Variants in DOK4 observed in about 807,000 individuals in gnomAD.
The protein encoded by DOK4 is docking protein 4, also known as downstream of tyrosine kinase 4.
Under a neutral mutation model 40.1 loss-of-function variants are expected in DOK4, and 26 were observed. The ratio of observed to expected loss-of-function variants is 0.65; its 90% CI spans 0.48 to 0.90. The LOEUF (loss-of-function observed/expected upper bound fraction) is 0.90. Among genes scored for constraint, DOK4 ranks in the 40% least tolerant of loss-of-function variants. The pLI is 0.00. For synonymous variants in DOK4, 179 were observed against 177.0 expected, an observed-to-expected ratio of 1.01 and a Z score of -0.09; for missense variants, 392 against 437.2, an observed-to-expected ratio of 0.90 and a Z score of 0.92.
rs1381656034 is a variant in DOK4 at position 57,479,651 on chromosome 16, C to A, written c.-144G>T. On this transcript the variant is annotated 5_prime_UTR_variant, in exon 2 of 9. In the 5' UTR this introduces an upstream ATG that the reference lacks. Coordinates refer to ENST00000340099, the Ensembl canonical transcript of DOK4. The surrounding 1 kb of genome is among the most constrained non-coding windows in gnomAD (Gnocchi z 5.8). ...AGGGGCTGCTCCTCACCTCACCCGC[C>A]TCAGCATTGTTCTAGCAGCTCCTTC... 3.8e-6 allele frequency: 3 copies of A among 780,896 alleles called. No homozygotes were observed. Among genetic ancestry groups the A allele is most frequent in the Non-Finnish European group, 6.4e-6 (3 of 467,622 alleles). 48.4% of individuals were successfully genotyped at this position (780,896 alleles called of 1,614,324 possible).
intron 4 of DOK4, 116 bp downstream of exon 4, chr16:57,475,390 C>A (rs2031101207): frequency 1.5e-6 from 2 of 1,373,808 alleles, no homozygotes; most frequent in Non-Finnish European, 2.0e-6. Flanking sequence ...CCCAACCCCA[C>A]ACACACCACA....
intron 2 of DOK4, 168 bp from the exon 3 acceptor site, chr16:57,476,125 G>T: frequency 1.6e-6 from 1 of 606,110 alleles, no homozygotes. Context: ...TCACCTCCCT[G>T]GGAGAGAAGC....
At chr16:57,475,112 A>G (rs1354816889) in exon 5 of DOK4, 4 of 1,609,926 alleles carry the variant, frequency 2.5e-6, no homozygotes, top group African/African-American at 1.4e-5. Context: ...GTCTGTTCAC[A>G]CTGCACCCCT....
At chr16:57,472,097 C>T (rs573475583) in exon 9 of DOK4, 1 of 152,820 alleles carries the variant, frequency 6.5e-6, no homozygotes, top group East Asian at 1.9e-4. Context: ...CCTCTACAGG[C>T]TAGCTCATCC....
rs751932835 is a variant in DOK4 at position 57,473,402 on chromosome 16, C to T, written c.956G>A (p.Ser319Asn). 2 of 1,614,054 alleles carry T rather than the reference C, an allele frequency of 1.2e-6. No individual in the cohort carries two copies. Among genetic ancestry groups the T allele is most frequent in the Non-Finnish European group, 1.7e-6 (2 of 1,180,012 alleles). Reference sequence around the variant, plus strand: ...TCACTGGGATGGGGTCTTGGCCTCACTGCTGTCCCCCTGGCTGGGCTTTGG... The same window carrying T: ...TCACTGGGATGGGGTCTTGGCCTCATTGCTGTCCCCCTGGCTGGGCTTTGG... Residue 319 changes from serine to asparagine, a missense_variant, in exon 9 of 9, where the codon AGT becomes AAT. Ser to Asn is a conservative substitution (Grantham distance 46, BLOSUM62 1). Transcript: ENST00000340099.
Position 57,479,301 on chromosome 16 carries a change from G to T in DOK4, c.66+141C>A. ...CACATGCCAGGCAGCACGCTGGCGA[G>T]GAGCCCCGAGACCACAGATGCACGA... On this transcript the variant is annotated intron_variant, in intron 2 of 8. Coordinates refer to ENST00000340099, the Ensembl canonical transcript of DOK4. The surrounding 1 kb of genome is among the most constrained non-coding windows in gnomAD (Gnocchi z 5.8). 2.2e-6 allele frequency: 2 copies of T among 897,468 alleles called. No homozygotes were observed. The highest frequency in any genetic ancestry group is 1.6e-5 in the South Asian group (1 of 60,646). 55.6% of individuals were successfully genotyped at this position (897,468 alleles called of 1,614,324 possible). A position where few individuals can be genotyped will look rare whatever the true frequency, so the allele number is the denominator to read the frequency against.
chr16:57,473,446 G>C, exon 9 of DOK4: 1 of 1,614,222 alleles, frequency 6.2e-7, no homozygotes, highest in Non-Finnish European at 8.5e-7. Context: ...GGATGAATCT[G>C]TTGAGGAGGT....
chr16:57,475,496 C>T lies in DOK4; in HGVS notation c.289+10G>A, dbSNP rs375653073. On this transcript the variant is annotated intron_variant, in intron 4 of 8. Coordinates refer to ENST00000340099, the Ensembl canonical transcript of DOK4. ...GGGGAGGCAGATGGAGGCCCATACT[C>T]GCGCCTCACCTGAGTCGCAGGTGAA... is the stretch of plus-strand genomic sequence containing the variant. 19 of 1,592,348 alleles carry T rather than the reference C, an allele frequency of 1.2e-5. 1 individual carries two copies. In the African/African-American group the frequency reaches 1.6e-4, roughly 13 times the overall value.
exon 9 of DOK4, chr16:57,473,296 CCT>C (rs1331843196): frequency 3.4e-5 from 52 of 1,519,078 alleles, no homozygotes; most frequent in Middle Eastern, 2.4e-4. Flanking sequence ...CCGACAGCCC[CCT>C]GAGGCTGTCC....
intron 4 of DOK4, 142 bp downstream of exon 4, chr16:57,475,364 G>C: frequency 6.9e-7 from 1 of 1,446,168 alleles, no homozygotes; most frequent in South Asian, 1.3e-5. Context: ...CTGAGGGCCT[G>C]CTCCCTGAAA....
At position 57,479,500 on chromosome 16, in the gene DOK4, G is replaced by A; in HGVS notation, c.8C>T (p.Thr3Ile). The A allele has an allele frequency of 6.2e-7, 1 of 1,613,622 alleles. No homozygotes were observed. Among genetic ancestry groups the A allele is most frequent in the Non-Finnish European group, 8.5e-7 (1 of 1,179,886 alleles). Residue 3 changes from threonine to isoleucine, a missense_variant, in exon 2 of 9, where the codon ACC becomes ATC. Transcript: ENST00000340099. This position sits in a 1 kb window ranked among gnomAD's most constrained non-coding sequence, Gnocchi z 5.8. Reference sequence around the variant, plus strand: ...TTGCTTGACGATGTCACTGAAATTGGTCGCCATGGTTTTCCCACCTTTTAG... The same window carrying A: ...TTGCTTGACGATGTCACTGAAATTGATCGCCATGGTTTTCCCACCTTTTAG...
intron 1 of DOK4, among the ~76,000 whole-genome samples, chr16:57,483,599 C>T (rs545863856): frequency 5.5e-4 from 84 of 152,270 alleles, no homozygotes; most frequent in African/African-American, 1.9e-3. Flanking sequence ...CACTGCACTC[C>T]AGCCTGGGTG....
intron 2 of DOK4, chr16:57,476,194 A>C: frequency 1.8e-6 from 1 of 542,846 alleles, no homozygotes; most frequent in Non-Finnish European, 3.3e-6. Context: ...GCTGTTCCAC[A>C]AAGGGTGCTC....
At chr16:57,482,160 G>T (rs1005708438) in intron 1 of DOK4, among the ~76,000 whole-genome samples, 4 of 151,110 alleles carry the variant, frequency 2.6e-5, no homozygotes, top group African/African-American at 9.7e-5. Context: ...CACTGCGCCC[G>T]GCCTTCTTTT....
rs1012280843 is a variant in DOK4 at position 57,479,614 on chromosome 16, G to A, written c.-107C>T. On this transcript the variant is annotated 5_prime_UTR_variant, in exon 2 of 9. Coordinates refer to ENST00000340099, the Ensembl canonical transcript of DOK4. This position sits in a 1 kb window ranked among gnomAD's most constrained non-coding sequence, Gnocchi z 5.8. ...AATCACCTGTTCCAGACACTCTGTC[G>A]GGGCTGCCGCGAGGGGCTGCTCCTC... 22 of 1,272,222 alleles carry A rather than the reference G, an allele frequency of 1.7e-5. No individual in the cohort carries two copies. The highest frequency in any genetic ancestry group is 1.6e-4 in the African/African-American group (11 of 68,480). 78.8% of individuals were successfully genotyped at this position (1,272,222 alleles called of 1,614,324 possible).
Position 57,475,099 on chromosome 16 carries a change from C to T in DOK4, c.409+1G>A, listed in dbSNP as rs1432335202. On this transcript the variant is annotated splice_donor_variant, in intron 5 of 8. Coordinates refer to ENST00000340099, the Ensembl canonical transcript of DOK4. LOFTEE classifies it high-confidence loss of function. ...CCCCCAGGGCCAGGGCCCGGCCTCA[C>T]CTGTCTGTTCACACTGCACCCCTGG... The T allele has an allele frequency of 6.2e-7, 1 of 1,613,504 alleles. No homozygotes were observed. The highest frequency in any genetic ancestry group is 1.7e-5 in the Admixed American group (1 of 59,962).
At chr16:57,481,384 A>G (rs193068486) in intron 1 of DOK4, 5 of 152,436 alleles carry the variant, frequency 3.3e-5, no homozygotes, top group Non-Finnish European at 2.9e-5. Context: ...TCCCACAGTT[A>G]GGCAGTCTAC....
exon 9 of DOK4, chr16:57,472,535 C>T (rs1335779802): frequency 6.6e-6 from 1 of 152,638 alleles, no homozygotes; most frequent in African/African-American, 2.4e-5. Flanking sequence ...CATTGTCCAC[C>T]CCTGGTCAGT....
At chr16:57,473,660 T>G in exon 8 of DOK4, 1 of 1,614,226 alleles carries the variant, frequency 6.2e-7, no homozygotes, top group Non-Finnish European at 8.5e-7. Context: ...AGTGATGTGG[T>G]GCCAGTAGGC....
Sources: allele counts gnomAD v4.1 joint callset (sites outside exome capture counted in the v4.1 genomes callset), GRCh38; gene constraint gnomAD v4.1.1; non-coding constraint Gnocchi (gnomAD v3.1); transcripts MANE v1.5; gene names NCBI Gene and HGNC (gene_info 2026-07-23, HGNC 2026-07-21).